The following NIPBL variants were observed in gnomAD, a reference collection of about 807,000 sequenced individuals.
NIPBL encodes nipped-B-like protein.
A neutral mutation model predicts 321.8 loss-of-function variants in NIPBL; 19 were observed. The observed-to-expected ratio is 0.06, with a 90% confidence interval of 0.04 to 0.09. The LOEUF (loss-of-function observed/expected upper bound fraction) is 0.09, where lower values mean the gene tolerates loss of function less well. Ranked by LOEUF, NIPBL falls within the 10% of genes least tolerant of loss-of-function variation. The pLI is 1.00. For synonymous variants in NIPBL, 1,106 were observed against 1,114.1 expected, an observed-to-expected ratio of 0.99 and a Z score of 0.14; for missense variants, 2,210 against 3,327.0, an observed-to-expected ratio of 0.66 and a Z score of 8.26.
intron 1 of NIPBL, among the ~76,000 whole-genome samples, chr5:36,888,547 A>G (rs2149521619): frequency 6.6e-6 from 1 of 152,216 alleles, no homozygotes; most frequent in East Asian, 1.9e-4. Context: ...CTTAAATAAC[A>G]TTTTCACTTT....
intron 39 of NIPBL, 127 bp downstream of exon 39, chr5:37,048,802 ATG>A: frequency 1.3e-6 from 1 of 798,568 alleles, no homozygotes; most frequent in Middle Eastern, 3.7e-4. Flanking sequence ...AGCAGTCCTT[ATG>A]CTGAGGTCTA....
At chr5:37,044,907 G>T (rs1752816146) in intron 36 of NIPBL, among the ~76,000 whole-genome samples, 178 bp downstream of exon 36, 1 of 152,168 alleles carries the variant, frequency 6.6e-6, no homozygotes, top group African/African-American at 2.4e-5. Context: ...AGAACCCACT[G>T]TGATTACTTC....
At chr5:37,031,122 T>C (rs1432261285) in intron 32 of NIPBL, among the ~76,000 whole-genome samples, 2 of 152,022 alleles carry the variant, frequency 1.3e-5, no homozygotes, top group Non-Finnish European at 2.9e-5. Flanking sequence ...TAGCTGGAAT[T>C]ACAGGCACCC....
intron 1 of NIPBL, among the ~76,000 whole-genome samples, chr5:36,938,054 G>C (rs1187941406): frequency 6.6e-6 from 1 of 152,058 alleles, no homozygotes; most frequent in Non-Finnish European, 1.5e-5. Context: ...TCCTAAAGGG[G>C]CAGATTATAT....
At chr5:36,989,171 G>T (rs1340833800) in intron 10 of NIPBL, among the ~76,000 whole-genome samples, 1 of 152,044 alleles carries the variant, frequency 6.6e-6, no homozygotes, top group Non-Finnish European at 1.5e-5. Context: ...TTCAAATCCT[G>T]CTTCCTAAAC....
rs1430658716 is a variant in NIPBL, at chr5:37,052,468, A to G, written c.7165A>G (p.Ser2389Gly). Residue 2389 changes from serine (S) to glycine (G), a missense_variant, in exon 42 of 47, where the codon AGC becomes GGC. By Grantham distance (56) the Ser-to-Gly change is moderately conservative. Transcript: ENST00000282516. Reference protein sequence around the residue: ...VRGFRQDESSSALCSHLYSMI... With the variant: ...VRGFRQDESSGALCSHLYSMI... Reference sequence around the variant, plus strand: ...GGGTTTCAGACAAGACGAGTCCTCTAGCGCTTTGTGTTCACACCTTTACTC... The same window carrying G: ...GGGTTTCAGACAAGACGAGTCCTCTGGCGCTTTGTGTTCACACCTTTACTC... 1.2e-6 allele frequency: 2 copies of G among 1,614,096 alleles called. No homozygotes were observed. The highest frequency in any genetic ancestry group is 1.7e-6 in the Non-Finnish European group (2 of 1,179,976).
In NIPBL at chr5:37,045,613, C is replaced by T. The variant is rs1257397534; in HGVS notation, c.6498+16C>T. On this transcript the variant is annotated intron_variant, in intron 37 of 46. Coordinates refer to ENST00000282516, the MANE Select transcript of NIPBL (RefSeq NM_133433.4). ...CAACAGCAAGGTAAAGGTAGTAATACTTAAAATGCTATAAAACATAGAGCT... is the reference window on the plus strand; with the variant it reads ...CAACAGCAAGGTAAAGGTAGTAATATTTAAAATGCTATAAAACATAGAGCT... 3 of 1,611,392 alleles carry T rather than the reference C, an allele frequency of 1.9e-6. 1 individual carries two copies. In the African/African-American group the frequency reaches 4.0e-5, roughly 21 times the overall value.
chr5:36,949,001 A>G (rs1048808692), intron 1 of NIPBL, among the ~76,000 whole-genome samples: 1 of 151,934 alleles, frequency 6.6e-6, no homozygotes, highest in Non-Finnish European at 1.5e-5. Context: ...GATAATATAC[A>G]TGGCAAAAGT....
At chr5:36,988,781 A>G (rs1383756995) in intron 10 of NIPBL, among the ~76,000 whole-genome samples, 3 of 152,088 alleles carry the variant, frequency 2.0e-5, no homozygotes, top group South Asian at 2.1e-4. Flanking sequence ...AGAGCCATAA[A>G]TTTCCATCTT....
At chr5:36,938,388 C>T (rs994088361) in intron 1 of NIPBL, among the ~76,000 whole-genome samples, 1 of 152,028 alleles carries the variant, frequency 6.6e-6, no homozygotes, top group South Asian at 2.1e-4. Flanking sequence ...AAGGGAAAGA[C>T]GAGGAAAGAG....
At chr5:36,890,016 A>G (rs1192057872) in intron 1 of NIPBL, among the ~76,000 whole-genome samples, 2 of 152,046 alleles carry the variant, frequency 1.3e-5, no homozygotes, top group Admixed American at 6.6e-5. Context: ...AATATTTATG[A>G]TGAATGTAAT....
chr5:37,027,014 TAAG>T (rs1248768701), intron 31 of NIPBL, among the ~76,000 whole-genome samples: 1 of 152,154 alleles, frequency 6.6e-6, no homozygotes. Context: ...AGAAGCGTAA[TAAG>T]AAAAATATTT....
chr5:37,032,412 T>A (rs1444333378), intron 32 of NIPBL, among the ~76,000 whole-genome samples: 1 of 150,040 alleles, frequency 6.7e-6, no homozygotes, highest in Admixed American at 6.7e-5. Flanking sequence ...TGTGTGTGTG[T>A]GTGTGTGTGT....
In NIPBL at chr5:37,027,303, A is replaced by AT. The variant is rs1230661410; in HGVS notation, c.5809-52dup. 3 of 1,298,392 alleles carry AT rather than the reference A, an allele frequency of 2.3e-6. No individual in the cohort carries two copies. In the African/African-American group the frequency reaches 4.4e-5, roughly 19 times the overall value. 80.4% of individuals were successfully genotyped at this position (1,298,392 alleles called of 1,614,324 possible). On this transcript the variant is annotated intron_variant, in intron 31 of 46. Coordinates refer to ENST00000282516, the MANE Select transcript of NIPBL (RefSeq NM_133433.4). Reference sequence around the variant, plus strand: ...TCAGGCTAAAGCATAACAAAAGTATATTTTATTCACATTTATAAATATACT... The same window carrying AT: ...TCAGGCTAAAGCATAACAAAAGTATATTTTTATTCACATTTATAAATATACT...
At chr5:36,886,018 T>C in intron 1 of NIPBL, 2 of 718,372 alleles carry the variant, frequency 2.8e-6, no homozygotes, top group Non-Finnish European at 5.1e-6. Flanking sequence ...AGTACTGGTC[T>C]CAGCAGATTG....
chr5:36,932,799 T>A (rs1192402019), intron 1 of NIPBL, among the ~76,000 whole-genome samples: 5 of 149,410 alleles, frequency 3.3e-5, no homozygotes, highest in Admixed American at 6.7e-5. Flanking sequence ...TTTTTTTTTT[T>A]TTTTAAAGAA....
At chr5:36,973,473 CT>C (rs1242280160) in intron 8 of NIPBL, among the ~76,000 whole-genome samples, 1 of 151,386 alleles carries the variant, frequency 6.6e-6, no homozygotes, top group African/African-American at 2.4e-5. Context: ...GGTTTTTTTT[CT>C]TTCTTTCTTT....
intron 1 of NIPBL, among the ~76,000 whole-genome samples, chr5:36,897,888 GAA>G (rs34089902): frequency 1.7e-4 from 16 of 96,750 alleles, no homozygotes; most frequent in Non-Finnish European, 2.7e-4. Flanking sequence ...GTCATACAGG[GAA>G]AAAAAAAAAA....
At chr5:37,039,310 T>G (rs1266845493) in intron 34 of NIPBL, among the ~76,000 whole-genome samples, 1 of 150,280 alleles carries the variant, frequency 6.7e-6, no homozygotes, top group Non-Finnish European at 1.5e-5. Context: ...ATAAATATAT[T>G]TTATTTTTAT....
Sources: allele counts gnomAD v4.1 joint callset (sites outside exome capture counted in the v4.1 genomes callset), GRCh38; gene constraint gnomAD v4.1.1; transcripts MANE v1.5; gene names NCBI Gene and HGNC (gene_info 2026-07-23, HGNC 2026-07-21).